The following C8orf34 variants were observed in gnomAD, a reference collection of about 807,000 sequenced individuals.
C8orf34 encodes uncharacterized protein C8orf34.
C8orf34 carries 65 observed loss-of-function variants against 68.3 expected under a neutral mutation model. The ratio of observed to expected loss-of-function variants is 0.95; its 90% CI spans 0.78 to 1.17. The LOEUF (loss-of-function observed/expected upper bound fraction) is 1.17, where lower values mean the gene tolerates loss of function less well. C8orf34 is among the 50% of genes most tolerant of loss of function. C8orf34 has a pLI of 0.00. For synonymous variants in C8orf34, 244 were observed against 241.2 expected (o/e 1.01, Z -0.11); for missense variants, 664 against 655.4 (o/e 1.01, Z -0.14).
At chr8:68,518,757 A>G (rs1814622059) in intron 5 of C8orf34, among the ~76,000 whole-genome samples, 1 of 152,014 alleles carries the variant, frequency 6.6e-6, no homozygotes, top group Non-Finnish European at 1.5e-5. Context: ...TTAGCTGGGC[A>G]TGGTGGTGTA....
intron 8 of C8orf34, among the ~76,000 whole-genome samples, chr8:68,671,047 T>C (rs955578279): frequency 6.6e-6 from 1 of 152,194 alleles, no homozygotes; most frequent in Non-Finnish European, 1.5e-5. Flanking sequence ...TAGTTTTGAA[T>C]AGTTAACTAG....
At chr8:68,570,322 CATGAATCTAGCTA>C (rs561944846) in intron 7 of C8orf34, among the ~76,000 whole-genome samples, 2 of 152,290 alleles carry the variant, frequency 1.3e-5, no homozygotes, top group African/African-American at 4.8e-5. Flanking sequence ...CACTTGTTCT[CATGAATCTAGCTA>C]ATGTGCAAAC....
intron 11 of C8orf34, among the ~76,000 whole-genome samples, chr8:68,781,619 A>G (rs912932328): frequency 1.3e-5 from 2 of 152,188 alleles, no homozygotes; most frequent in Admixed American, 1.3e-4. Flanking sequence ...GACCCCATCA[A>G]AAAGAATTAT....
At chr8:68,801,542 C>T (rs1824327380) in intron 12 of C8orf34, among the ~76,000 whole-genome samples, 1 of 152,126 alleles carries the variant, frequency 6.6e-6, no homozygotes, top group Non-Finnish European at 1.5e-5. Flanking sequence ...AAATTGTTTC[C>T]CTCTAGCTGC....
At chr8:68,715,663 A>T (rs1010771410) in intron 9 of C8orf34, among the ~76,000 whole-genome samples, 1 of 151,940 alleles carries the variant, frequency 6.6e-6, no homozygotes, top group Non-Finnish European at 1.5e-5. Flanking sequence ...AATAAAAAAA[A>T]AAAAGATGTT....
chr8:68,772,962 T>C (rs554867953), intron 10 of C8orf34, among the ~76,000 whole-genome samples: 1 of 152,070 alleles, frequency 6.6e-6, no homozygotes, highest in African/African-American at 2.4e-5. Context: ...CCTGTCTGCC[T>C]CTCCTTGTAT....
chr8:68,452,094 C>A (rs1008865095), intron 3 of C8orf34, among the ~76,000 whole-genome samples: 2 of 151,838 alleles, frequency 1.3e-5, no homozygotes, highest in Non-Finnish European at 2.9e-5. Context: ...GTGGTTAAAC[C>A]ACATTTTGTT....
intron 12 of C8orf34, among the ~76,000 whole-genome samples, chr8:68,789,259 C>G (rs1563670694): frequency 6.6e-6 from 1 of 152,194 alleles, no homozygotes; most frequent in Non-Finnish European, 1.5e-5. Context: ...ACTGTTAGAT[C>G]CTACAAGAGG....
intron 1 of C8orf34, among the ~76,000 whole-genome samples, chr8:68,416,504 T>A (rs533810393): frequency 6.8e-6 from 1 of 146,316 alleles, no homozygotes; most frequent in African/African-American, 2.5e-5. Flanking sequence ...TTTATTTTAT[T>A]AAACATACAT....
chr8:68,402,244 G>T (rs1050135766), intron 1 of C8orf34, among the ~76,000 whole-genome samples: 10 of 152,020 alleles, frequency 6.6e-5, no homozygotes, highest in African/African-American at 2.4e-4. Flanking sequence ...CAGGGTATCA[G>T]TTGTAATGTC....
At chr8:68,751,086 A>G (rs1334151570) in intron 10 of C8orf34, among the ~76,000 whole-genome samples, 1 of 152,180 alleles carries the variant, frequency 6.6e-6, no homozygotes, top group Non-Finnish European at 1.5e-5. Flanking sequence ...AAGCATTATT[A>G]TCAAAGAAGG....
intron 1 of C8orf34, among the ~76,000 whole-genome samples, chr8:68,412,387 G>A (rs1215917796): frequency 1.3e-5 from 2 of 152,188 alleles, no homozygotes; most frequent in South Asian, 2.1e-4. Flanking sequence ...TAGAGGAAAG[G>A]TTACTTCTTA....
chr8:68,659,186 T>C (rs1310848965), intron 8 of C8orf34, among the ~76,000 whole-genome samples: 5 of 152,164 alleles, frequency 3.3e-5, no homozygotes, highest in Non-Finnish European at 7.4e-5. Context: ...GATAGCTTGC[T>C]TGGGTTTCTG....
intron 1 of C8orf34, among the ~76,000 whole-genome samples, chr8:68,431,419 G>A (rs1810447446): frequency 6.6e-6 from 1 of 152,096 alleles, no homozygotes; most frequent in Non-Finnish European, 1.5e-5. Context: ...TTTTTGAACT[G>A]CTTTGCTCTT....
At chr8:68,376,016 G>A (rs1287498189) in intron 1 of C8orf34, among the ~76,000 whole-genome samples, 1 of 151,990 alleles carries the variant, frequency 6.6e-6, no homozygotes, top group Non-Finnish European at 1.5e-5. Flanking sequence ...ACCATGACTG[G>A]GTTAGGTACT....
intron 1 of C8orf34, among the ~76,000 whole-genome samples, chr8:68,426,631 A>G (rs2129624286): frequency 6.6e-6 from 1 of 152,052 alleles, no homozygotes; most frequent in East Asian, 1.9e-4. Context: ...TATAATGCAA[A>G]TGAACTCTCA....
intron 10 of C8orf34, among the ~76,000 whole-genome samples, chr8:68,741,328 T>C (rs1158060377): frequency 6.6e-6 from 1 of 152,174 alleles, no homozygotes; most frequent in African/African-American, 2.4e-5. Context: ...GTTTAAATTG[T>C]TTATATTTTT....
chr8:68,578,517 C>T (rs1458965515), intron 7 of C8orf34, among the ~76,000 whole-genome samples: 1 of 151,752 alleles, frequency 6.6e-6, no homozygotes, highest in Non-Finnish European at 1.5e-5. Context: ...CTTGGTGGCC[C>T]ATAGAGATGG....
chr8:68,619,434 C>T (rs1213142703), intron 7 of C8orf34, among the ~76,000 whole-genome samples: 3 of 152,160 alleles, frequency 2.0e-5, no homozygotes, highest in Admixed American at 6.6e-5. Flanking sequence ...GACAGGCAGG[C>T]TGTAATAAAC....
Sources: allele counts gnomAD v4.1 joint callset (sites outside exome capture counted in the v4.1 genomes callset), GRCh38; gene constraint gnomAD v4.1.1; transcripts MANE v1.5; gene names NCBI Gene and HGNC (gene_info 2026-07-23, HGNC 2026-07-21).